Variants in GAN observed in about 807,000 individuals in gnomAD.
The protein encoded by GAN is gigaxonin.
A neutral mutation model predicts 71.3 loss-of-function variants in GAN; 48 were observed. The ratio of observed to expected loss-of-function variants is 0.67; its 90% CI spans 0.53 to 0.86. GAN has a LOEUF of 0.86. Ranked by LOEUF, GAN falls within the 40% of genes least tolerant of loss-of-function variation. The probability of loss-of-function intolerance (pLI) is 0.00; values close to 1 mark genes in which losing one functional copy is unlikely to be tolerated. For missense variants in GAN, 928 were observed against 770.1 expected, an observed-to-expected ratio of 1.21 and a Z score of -2.43; for synonymous variants, 386 against 276.8, an observed-to-expected ratio of 1.39 and a Z score of -3.92.
At chr16:81,335,406 C>T (rs1026282005) in intron 1 of GAN, among the ~76,000 whole-genome samples, 1 of 152,060 alleles carries the variant, frequency 6.6e-6, no homozygotes, top group African/African-American at 2.4e-5. Flanking sequence ...CACTTGATGT[C>T]AGCAGTTTAA....
rs1405277659 is a variant in GAN, at chr16:81,381,201, T to C, written c.*3605T>C. 1.3e-5 allele frequency: 2 copies of C among 152,198 alleles called. No individual in the cohort carries two copies. Among genetic ancestry groups the C allele is most frequent in the East Asian group, 1.9e-4 (1 of 5,204 alleles). The allele number at this position is 152,198 out of a possible 1,614,324, so 9.4% of individuals were successfully genotyped here. Reference sequence around the variant, plus strand: ...AAGTTTCATTTCTAGAGAAATGTCTTAGCTGCTGTGGTCCATTAGAGTTCC... The same window carrying C: ...AAGTTTCATTTCTAGAGAAATGTCTCAGCTGCTGTGGTCCATTAGAGTTCC... On this transcript the variant is annotated 3_prime_UTR_variant, in exon 11 of 11. Coordinates refer to ENST00000648994, the MANE Select transcript of GAN (RefSeq NM_022041.4).
chr16:81,364,940 T>C (rs779244678), intron 7 of GAN, 34 bp from the exon 8 acceptor site: 1 of 1,610,472 alleles, frequency 6.2e-7, no homozygotes. Context: ...ATGAGAAATG[T>C]TGCCTCTCCC....
At position 81,389,954 on chromosome 16, in the gene GAN, G is replaced by A. The variant is rs2150705341; in HGVS notation, c.*12358G>A. 6.6e-6 allele frequency: 1 copy of A among 152,230 alleles called. No homozygotes were observed. Among genetic ancestry groups the A allele is most frequent in the South Asian group, 2.1e-4 (1 of 4,826 alleles). The allele number at this position is 152,230 out of a possible 1,614,324, so 9.4% of individuals were successfully genotyped here. A position where few individuals can be genotyped will look rare whatever the true frequency, so the allele number is the denominator to read the frequency against. On this transcript the variant is annotated 3_prime_UTR_variant, in exon 11 of 11. Coordinates refer to ENST00000648994, the MANE Select transcript of GAN (RefSeq NM_022041.4). Reference sequence around the variant, plus strand: ...CATATAAATACCACACCAATCTGTTGAACATATCTGTGTTTTCTGACATGG... The same window carrying A: ...CATATAAATACCACACCAATCTGTTAAACATATCTGTGTTTTCTGACATGG...
At chr16:81,319,763 A>T (rs1370166440) in intron 1 of GAN, among the ~76,000 whole-genome samples, 2 of 152,012 alleles carry the variant, frequency 1.3e-5, no homozygotes, top group Non-Finnish European at 2.9e-5. Context: ...AATGAGACAT[A>T]GGGCCTCAAA....
At chr16:81,366,811 G>C (rs1383573812) in intron 9 of GAN, among the ~76,000 whole-genome samples, 1 of 152,044 alleles carries the variant, frequency 6.6e-6, no homozygotes, top group African/African-American at 2.4e-5. Context: ...TTGCCCAAGG[G>C]ATGAAGTCTT....
At chr16:81,359,646 A>G (rs1189375267) in intron 5 of GAN, among the ~76,000 whole-genome samples, 1 of 152,110 alleles carries the variant, frequency 6.6e-6, no homozygotes, top group Non-Finnish European at 1.5e-5. Context: ...AAAATGCATT[A>G]TCACTAATAA....
chr16:81,319,596 T>A (rs958991256), intron 1 of GAN, among the ~76,000 whole-genome samples: 2 of 152,196 alleles, frequency 1.3e-5, no homozygotes, highest in Non-Finnish European at 2.9e-5. Context: ...TGGAGACCTA[T>A]TGCAACAAAA....
chr16:81,362,248 C>T (rs192380355), intron 5 of GAN, among the ~76,000 whole-genome samples: 91 of 152,212 alleles, frequency 6.0e-4, no homozygotes, highest in Admixed American at 2.4e-3. Flanking sequence ...GAGCGGGTGA[C>T]GCCAGGCTTC....
At chr16:81,333,899 CTGGGGTGCTGTGTGTG>C (rs1243405670) in intron 1 of GAN, among the ~76,000 whole-genome samples, 30 of 152,314 alleles carry the variant, frequency 2.0e-4, no homozygotes, top group African/African-American at 6.0e-4. Flanking sequence ...GTCCACAATC[CTGGGGTGCTGTGTGTG>C]TGCTGTCTTC....
chr16:81,337,447 C>G (rs1022765410), intron 1 of GAN, among the ~76,000 whole-genome samples: 17 of 152,186 alleles, frequency 1.1e-4, no homozygotes, highest in African/African-American at 3.9e-4. Flanking sequence ...GTCACTTAGA[C>G]TTATTCTCTA....
At chr16:81,327,911 T>C (rs1269853494) in intron 1 of GAN, among the ~76,000 whole-genome samples, 1 of 152,216 alleles carries the variant, frequency 6.6e-6, no homozygotes, top group Non-Finnish European at 1.5e-5. Flanking sequence ...AATCTAGAAC[T>C]GTTTGACAGG....
chr16:81,363,672 G>T, intron 6 of GAN, 122 bp from the exon 7 acceptor site: 1 of 927,324 alleles, frequency 1.1e-6, no homozygotes, highest in Non-Finnish European at 1.8e-6. Flanking sequence ...CCTTGCTCTA[G>T]GAGTCCCCAT....
intron 1 of GAN, among the ~76,000 whole-genome samples, chr16:81,324,036 T>C (rs927153541): frequency 6.6e-6 from 1 of 152,216 alleles, no homozygotes; most frequent in Non-Finnish European, 1.5e-5. Context: ...AGTTTCAGAA[T>C]CTCAAGAATG....
chr16:81,316,570 A>G (rs1259165131), intron 1 of GAN, among the ~76,000 whole-genome samples: 8 of 152,338 alleles, frequency 5.3e-5, no homozygotes, highest in African/African-American at 1.7e-4. Flanking sequence ...GACAGCTTCT[A>G]GCTGGCAGTT....
Position 81,315,216 on chromosome 16 carries a change from G to C in GAN, c.103G>C (p.Val35Leu). 6.3e-7 allele frequency: 1 copy of C among 1,581,618 alleles called. No homozygotes were observed. Among genetic ancestry groups the C allele is most frequent in the Non-Finnish European group, 8.6e-7 (1 of 1,166,134 alleles). Reference sequence around the variant, plus strand: ...GTCTCGCTTCTGCGACGCGCACCTGGTCCTCGACGGGGAGGAGATCCCGGT... The same window carrying C: ...GTCTCGCTTCTGCGACGCGCACCTGCTCCTCGACGGGGAGGAGATCCCGGT... The part of the protein sequence containing the change: ...EESRFCDAHL[V>L]LDGEEIPVQK... The change falls in exon 1 of 11, where the codon GTC (valine) becomes CTC (leucine). Residue 35 changes from valine (V) to leucine (L), a missense_variant. Physicochemically the swap from Val to Leu is conservative, Grantham distance 32. Coordinates refer to ENST00000648994, the MANE Select transcript of GAN (RefSeq NM_022041.4).
At chr16:81,328,551 T>A (rs113992618) in intron 1 of GAN, among the ~76,000 whole-genome samples, 3 of 152,320 alleles carry the variant, frequency 2.0e-5, no homozygotes, top group African/African-American at 7.2e-5. Flanking sequence ...ATATCCCAGA[T>A]CTGAAGATAG....
chr16:81,317,996 C>G (rs1909101296), intron 1 of GAN, among the ~76,000 whole-genome samples: 1 of 152,106 alleles, frequency 6.6e-6, no homozygotes, highest in Non-Finnish European at 1.5e-5. Flanking sequence ...TAAAAATTAT[C>G]AATTCCGAAG....
chr16:81,359,895 A>T (rs1329417952), intron 5 of GAN, among the ~76,000 whole-genome samples: 1 of 152,378 alleles, frequency 6.6e-6, no homozygotes, highest in Admixed American at 6.5e-5. Flanking sequence ...AAAATATCTT[A>T]CTTTACTGAA....
chr16:81,389,643 C>T lies in GAN; in HGVS notation c.*12047C>T, dbSNP rs975944935. 1 of 152,224 alleles carries T rather than the reference C, an allele frequency of 6.6e-6. No individual in the cohort carries two copies. The highest frequency in any genetic ancestry group is 1.5e-5 in the Non-Finnish European group (1 of 68,046). 9.4% of individuals were successfully genotyped at this position (152,224 alleles called of 1,614,324 possible). Reference sequence around the variant, plus strand: ...ATGACACACTAGAAATGTGTACATTCTTTTGTTTTCCATCACGGGTATAGG... The same window carrying T: ...ATGACACACTAGAAATGTGTACATTTTTTTGTTTTCCATCACGGGTATAGG... On this transcript the variant is annotated 3_prime_UTR_variant, in exon 11 of 11. Coordinates refer to ENST00000648994, the MANE Select transcript of GAN (RefSeq NM_022041.4).
Sources: gnomAD v4.1 joint callset for allele counts (sites outside exome capture counted in the v4.1 genomes callset) on GRCh38, gnomAD v4.1.1 for gene constraint, MANE v1.5 for transcripts, NCBI Gene and HGNC (gene_info 2026-07-23, HGNC 2026-07-21) for gene names.